Variants in UBA2 observed in about 807,000 individuals in gnomAD.
The protein encoded by UBA2 is ubiquitin like modifier activating enzyme 2.
A neutral mutation model predicts 77.2 loss-of-function variants in UBA2; 11 were observed. That is an observed-to-expected ratio of 0.14 (90% CI 0.09 to 0.24). The LOEUF is 0.24. Among genes scored for constraint, UBA2 ranks in the 10% least tolerant of loss-of-function variants. UBA2 has a pLI of 1.00. For missense variants in UBA2, 487 were observed against 781.7 expected (o/e 0.62, Z 4.50); for synonymous variants, 278 against 276.7 (o/e 1.00, Z -0.05).
At chr19:34,453,886 A>G (rs1294170795) in intron 10 of UBA2, among the ~76,000 whole-genome samples, 2 of 152,126 alleles carry the variant, frequency 1.3e-5, no homozygotes, top group Admixed American at 6.5e-5. Flanking sequence ...TTGTCCAGCA[A>G]CCTTCTCTTT....
At chr19:34,467,618 T>C (rs571152961) in intron 16 of UBA2, among the ~76,000 whole-genome samples, 1 of 152,096 alleles carries the variant, frequency 6.6e-6, no homozygotes, top group African/African-American at 2.4e-5. Context: ...GTACTAAAAA[T>C]ACAAAAAATT....
intron 13 of UBA2, 52 bp from the exon 14 acceptor site, chr19:34,460,418 G>A: frequency 8.4e-7 from 1 of 1,190,346 alleles, no homozygotes; most frequent in Non-Finnish European, 1.2e-6. Flanking sequence ...GATTTCTTAT[G>A]ATCTTTAATT....
At chr19:34,434,807 C>A (rs758869690) in intron 4 of UBA2, 61 bp from the exon 5 acceptor site, 90 of 1,288,396 alleles carry the variant, frequency 7.0e-5, no homozygotes, top group Non-Finnish European at 9.7e-5. Flanking sequence ...CTGTGTCATC[C>A]TAATTAAAGA....
chr19:34,435,913 G>A (rs981784423), intron 5 of UBA2, among the ~76,000 whole-genome samples: 1 of 151,884 alleles, frequency 6.6e-6, no homozygotes, highest in Admixed American at 6.6e-5. Flanking sequence ...CTGAGGTCAG[G>A]ATTTTGAGAC....
intron 6 of UBA2, among the ~76,000 whole-genome samples, chr19:34,441,689 G>T (rs894352209): frequency 1.3e-5 from 2 of 152,146 alleles, no homozygotes; most frequent in African/African-American, 2.4e-5. Flanking sequence ...GGGAGGCTGA[G>T]GTGGGTGAAT....
Position 34,450,742 on chromosome 19 carries a change from CTTTTTTT to C in UBA2, c.871+396_871+402del, listed in dbSNP as rs59580124. Among the ~76,000 whole-genome samples the C allele has an allele frequency of 5.0e-3, 419 of 83,438 alleles. 1 individual carries two copies. The highest frequency in any genetic ancestry group is 0.021 in the African/African-American group (404 of 19,234). 54.7% of individuals were successfully genotyped at this position (83,438 alleles called of 152,430 possible). A position where few individuals can be genotyped will look rare whatever the true frequency, so the allele number is the denominator to read the frequency against. On this transcript the variant is annotated intron_variant, in intron 9 of 16. Transcript: ENST00000246548. ...GAAATTGCTATATATTTATGTATAT[CTTTTTTT>C]TTTTTTTTTTTTTTTTTGAGACCGT...
At chr19:34,455,436 G>C (rs961700757) in intron 12 of UBA2, among the ~76,000 whole-genome samples, 1 of 152,052 alleles carries the variant, frequency 6.6e-6, no homozygotes, top group African/African-American at 2.4e-5. Flanking sequence ...GTTCTCTTTG[G>C]ATTCCTTCCT....
rs1171285294 is a variant in UBA2, at chr19:34,458,927, C to T, written c.1401+3C>T. ...CTGTTCTCACCTTACAAGACAAGGT[C>T]AGTGCAAGGCCTGGGTCTCTTTTCC... On this transcript the variant is annotated splice_donor_region_variant and intron_variant, in intron 13 of 16. Coordinates refer to ENST00000246548, the MANE Select transcript of UBA2 (RefSeq NM_005499.3). The T allele has an allele frequency of 1.2e-6, 2 of 1,611,282 alleles. No individual in the cohort carries two copies. The highest frequency in any genetic ancestry group is 3.4e-5 in the Admixed American group (2 of 59,336).
In UBA2 at chr19:34,428,481, G is replaced by A. The variant is rs1334420128; in HGVS notation, c.49G>A (p.Gly17Arg). Residue 17 changes from glycine to arginine, a missense_variant, in exon 1 of 17, where the codon GGG becomes AGG. By Grantham distance (125) the Gly-to-Arg change is moderately radical (BLOSUM62 -2). Around this residue, in one of 9 missense-constraint regions of UBA2, gnomAD observed 30 missense variants for 27.4 expected, o/e 1.09. Coordinates refer to ENST00000246548, the MANE Select transcript of UBA2 (RefSeq NM_005499.3). ...CCGGGAGCTGGCTGAGGCGGTGGCCGGGGGCCGGGTGCTGGTGGTGGGGGC... is the reference window on the plus strand; with the variant it reads ...CCGGGAGCTGGCTGAGGCGGTGGCCAGGGGCCGGGTGCTGGTGGTGGGGGC... Reference protein sequence around the residue: ...LPRELAEAVAGGRVLVVGAGG... With the variant: ...LPRELAEAVARGRVLVVGAGG... 7.7e-7 allele frequency: 1 copy of A among 1,292,090 alleles called. No individual in the cohort carries two copies. Among genetic ancestry groups the A allele is most frequent in the Non-Finnish European group, 9.9e-7 (1 of 1,014,130 alleles). The allele number at this position is 1,292,090 out of a possible 1,614,324, so 80.0% of individuals were successfully genotyped here.
At chr19:34,466,765 A>T in intron 15 of UBA2, 113 bp from the exon 16 acceptor site, 1 of 747,730 alleles carries the variant, frequency 1.3e-6, no homozygotes. Context: ...AAAAAATTAG[A>T]ATCCACATAT....
chr19:34,436,343 A>G (rs2075308151), intron 5 of UBA2, among the ~76,000 whole-genome samples: 2 of 152,066 alleles, frequency 1.3e-5, no homozygotes, highest in South Asian at 2.1e-4. Flanking sequence ...CTTGTTGCCC[A>G]GGCTGCAGTG....
rs1464064781 is a variant in UBA2, at chr19:34,470,482, C to A, written c.*1261C>A. On this transcript the variant is annotated 3_prime_UTR_variant, in exon 17 of 17. Transcript: ENST00000246548. ...TGGGTAACATAGCAAGACCCTGTCT[C>A]TAAAAAATAAGTAAATAAAATAAAG... The A allele has an allele frequency of 1.3e-5, 2 of 152,168 alleles. No homozygotes were observed. Among genetic ancestry groups the A allele is most frequent in the Non-Finnish European group, 2.9e-5 (2 of 68,036 alleles). The allele number at this position is 152,168 out of a possible 1,614,324, so 9.4% of individuals were successfully genotyped here.
chr19:34,429,917 T>C (rs929174356), intron 1 of UBA2, among the ~76,000 whole-genome samples: 1 of 152,150 alleles, frequency 6.6e-6, no homozygotes, highest in South Asian at 2.1e-4. Flanking sequence ...AGAGAAATAC[T>C]TTAGTATTTT....
intron 8 of UBA2, among the ~76,000 whole-genome samples, chr19:34,449,083 T>G (rs2075463781): frequency 6.9e-6 from 1 of 145,530 alleles, no homozygotes; most frequent in Non-Finnish European, 1.5e-5. Context: ...TTTTTTTTTT[T>G]TTTTTGAGAC....
rs1462014656 is a variant in UBA2 at position 34,457,178 on chromosome 19, AAATATATATATATATATAT to A, written c.1246-1589_1246-1571del. Among the ~76,000 whole-genome samples, 35 of 89,740 alleles carry A rather than the reference AAATATATATATATATATAT, an allele frequency of 3.9e-4. 2 individuals are homozygous for A. The South Asian group carries it at 4.1e-3, about 11-fold the overall frequency. The allele number at this position is 89,740 out of a possible 152,430, so 58.9% of individuals were successfully genotyped here. On this transcript the variant is annotated intron_variant, in intron 12 of 16. Transcript: ENST00000246548. ...ACCTGGTCTCTACTAAAAAAAAAAA[AAATATATATATATATATAT>A]ATATATATATATATATAAAATTAGC...
chr19:34,464,743 G>GA (rs900703866), intron 15 of UBA2, among the ~76,000 whole-genome samples: 3 of 152,100 alleles, frequency 2.0e-5, no homozygotes, highest in Non-Finnish European at 4.4e-5. Flanking sequence ...AGGTTCTCTA[G>GA]AAAAAAATAT....
In UBA2 at chr19:34,457,177, A is replaced by ATATATATAT. The variant is rs1404101062; in HGVS notation, c.1246-1592_1246-1591insTATATATAT. On this transcript the variant is annotated intron_variant, in intron 12 of 16. Transcript: ENST00000246548. ...AACCTGGTCTCTACTAAAAAAAAAA[A>ATATATATAT]AAATATATATATATATATATATATA... Among the ~76,000 whole-genome samples the ATATATATAT allele has an allele frequency of 3.3e-3, 227 of 68,330 alleles. 1 individual carries two copies. The highest frequency in any genetic ancestry group is 0.015 in the South Asian group (25 of 1,684). The allele number at this position is 68,330 out of a possible 152,430, so 44.8% of individuals were successfully genotyped here.
chr19:34,438,091 T>C (rs1404396751), intron 5 of UBA2, among the ~76,000 whole-genome samples: 2 of 151,888 alleles, frequency 1.3e-5, no homozygotes, highest in African/African-American at 4.8e-5. Context: ...AAATGAAGAG[T>C]ATTTGGTTTA....
chr19:34,449,065 C>CTTTT (rs11332668), intron 8 of UBA2, among the ~76,000 whole-genome samples: 37 of 73,830 alleles, frequency 5.0e-4, no homozygotes, highest in African/African-American at 1.5e-3. Context: ...AAATATAAAT[C>CTTTT]TTTTTTTTTT....
Sources: allele counts gnomAD v4.1 joint callset (sites outside exome capture counted in the v4.1 genomes callset), GRCh38; gene constraint gnomAD v4.1.1; regional missense constraint gnomAD v4.1.1; transcripts MANE v1.5; gene names NCBI Gene and HGNC (gene_info 2026-07-23, HGNC 2026-07-21).